RABL6: variants seen among roughly 807,000 people sequenced by gnomAD.
RABL6 encodes RAB, member RAS oncogene family like 6.
RABL6 carries 28 observed loss-of-function variants against 72.9 expected under a neutral mutation model. The observed-to-expected ratio is 0.38, with a 90% CI of 0.28 to 0.53. The LOEUF is 0.53. RABL6 is among the 20% of genes least tolerant of loss of function. The pLI is 0.80. For missense variants in RABL6, 1,029 were observed against 1,008.4 expected (o/e 1.02, Z -0.28); for synonymous variants, 477 against 421.2 (o/e 1.13, Z -1.62).
intron 1 of RABL6, among the ~76,000 whole-genome samples, chr9:136,818,608 G>A (rs1269007109): frequency 1.3e-5 from 2 of 151,972 alleles, no homozygotes; most frequent in Non-Finnish European, 2.9e-5. Context: ...AGCCAGGCAT[G>A]GTGGTGCGTA....
intron 13 of RABL6, 68 bp downstream of exon 13, chr9:136,839,933 T>A: frequency 6.5e-7 from 1 of 1,546,682 alleles, no homozygotes; most frequent in Non-Finnish European, 8.8e-7. Context: ...TCCTCCCAGC[T>A]GCTGGCCGCT....
chr9:136,816,053 G>A (rs931770417), intron 1 of RABL6, among the ~76,000 whole-genome samples: 1 of 150,376 alleles, frequency 6.6e-6, no homozygotes, highest in Non-Finnish European at 1.5e-5. Flanking sequence ...CTGAAGTTAA[G>A]CAGAAAAAAA....
At position 136,834,038 on chromosome 9, in the gene RABL6, G is replaced by C. The variant is rs149637345; in HGVS notation, c.705+1668G>C. The C allele has an allele frequency of 1.7e-4, 242 of 1,461,884 alleles. 2 individuals carry two copies. In the African/African-American group the frequency reaches 3.3e-3, roughly 20 times the overall value. The allele number at this position is 1,461,884 out of a possible 1,614,324, so 90.6% of individuals were successfully genotyped here. A position where few individuals can be genotyped will look rare whatever the true frequency, so the allele number is the denominator to read the frequency against. On this transcript the variant is annotated intron_variant, in intron 7 of 14. Transcript: ENST00000311502. ...GACAGAGTCTTGAGCTGGAAGCGTA[G>C]GGCTGAGCTGTGTGTGACTATCCTT...
In RABL6 at chr9:136,822,195, G is replaced by C. The variant is rs1018610702; in HGVS notation, c.131-1330G>C. On this transcript the variant is annotated intron_variant, in intron 1 of 14. Coordinates refer to ENST00000311502, the MANE Select transcript of RABL6 (RefSeq NM_024718.5). ...TTGGGGTCCCCCTGACAGAAAACCTGGGGGGGGCGTTGCGGGAGTGAGAGG... is the reference window on the plus strand; with the variant it reads ...TTGGGGTCCCCCTGACAGAAAACCTCGGGGGGGCGTTGCGGGAGTGAGAGG... 4.7e-5 allele frequency: 40 copies of C among 851,104 alleles called. 1 individual carries two copies. The Admixed American group carries it at 1.5e-3, about 32-fold the overall frequency. The allele number at this position is 851,104 out of a possible 1,614,324, so 52.7% of individuals were successfully genotyped here. A position where few individuals can be genotyped will look rare whatever the true frequency, so the allele number is the denominator to read the frequency against.
intron 1 of RABL6, chr9:136,815,505 C>T (rs1848101852): frequency 1.2e-5 from 3 of 258,506 alleles, no homozygotes. Flanking sequence ...CTTGGGGTCA[C>T]CTTGGTTTTT....
At chr9:136,825,082 G>A (rs1848323989) in intron 2 of RABL6, among the ~76,000 whole-genome samples, 1 of 152,216 alleles carries the variant, frequency 6.6e-6, no homozygotes, top group African/African-American at 2.4e-5. Context: ...CCACAACAGA[G>A]CACAGTCATG....
chr9:136,820,006 C>A (rs988151302), intron 1 of RABL6, among the ~76,000 whole-genome samples: 1 of 152,044 alleles, frequency 6.6e-6, no homozygotes, highest in Non-Finnish European at 1.5e-5. Flanking sequence ...AGTTTGAGAC[C>A]AGCCCGGGCA....
chr9:136,822,454 C>T (rs1848258397), intron 1 of RABL6, among the ~76,000 whole-genome samples: 1 of 152,152 alleles, frequency 6.6e-6, no homozygotes, highest in Admixed American at 6.5e-5. Flanking sequence ...CGGGGTCTGC[C>T]CAGGTCCGAG....
intron 9 of RABL6, 38 bp downstream of exon 9, chr9:136,837,700 AC>A: frequency 1.3e-6 from 2 of 1,551,378 alleles, no homozygotes; most frequent in South Asian, 2.4e-5. Flanking sequence ...CTGGTCCCAG[AC>A]CCCCAGGCCC....
intron 1 of RABL6, chr9:136,814,639 T>C (rs537370866): frequency 6.6e-6 from 1 of 152,038 alleles, no homozygotes; most frequent in East Asian, 2.0e-4. Flanking sequence ...TAATCCCAGC[T>C]ACTCAGGAGG....
intron 1 of RABL6, among the ~76,000 whole-genome samples, chr9:136,811,646 C>T (rs1848014739): frequency 6.6e-6 from 1 of 151,724 alleles, no homozygotes; most frequent in Admixed American, 6.6e-5. Context: ...AATTGCACCA[C>T]CACACCCAGC....
chr9:136,831,792 A>C lies in RABL6; in HGVS notation c.530A>C (p.Tyr177Ser). 1 of 1,613,170 alleles carries C rather than the reference A, an allele frequency of 6.2e-7. No homozygotes were observed. The highest frequency in any genetic ancestry group is 1.1e-5 in the South Asian group (1 of 91,066). The change falls in exon 6 of 15, where the codon TAC becomes TCC. Residue 177 changes from tyrosine to serine, a missense_variant. By Grantham distance (144) the Tyr-to-Ser change is moderately radical. Around this residue, in one of 2 missense-constraint regions of RABL6, gnomAD observed 434 missense variants for 536.1 expected, o/e 0.81. Coordinates refer to ENST00000311502, the MANE Select transcript of RABL6 (RefSeq NM_024718.5). ...GTGCCAGTGTGCGTGCTGGGAAACT[A>C]CCGGGACATGGGCGAGCACCGAGTC... The part of the protein sequence containing the change: ...THVPVCVLGN[Y>S]RDMGEHRVIL...
rs1279287894 is a variant in RABL6 at position 136,828,312 on chromosome 9, G to GCCTCC, written c.314-182_314-181insCCTCC. 1.1e-5 allele frequency: 7 copies of GCCTCC among 618,836 alleles called. No individual in the cohort carries two copies. In the Admixed American group the frequency reaches 1.6e-4, roughly 14 times the overall value. 38.3% of individuals were successfully genotyped at this position (618,836 alleles called of 1,614,324 possible). A position where few individuals can be genotyped will look rare whatever the true frequency, so the allele number is the denominator to read the frequency against. Reference sequence around the variant, plus strand: ...CAGCCCTGCCTCCAGAGCCTACAGAGGGGCCTCGCCCAGGTCCTGCTGCTC... The same window carrying GCCTCC: ...CAGCCCTGCCTCCAGAGCCTACAGAGCCTCCGGGCCTCGCCCAGGTCCTGCTGCTC... On this transcript the variant is annotated intron_variant, in intron 3 of 14. Transcript: ENST00000311502.
At chr9:136,839,175 A>C (rs781468619) in intron 11 of RABL6, 47 bp from the exon 12 acceptor site, 1 of 1,602,092 alleles carries the variant, frequency 6.2e-7, no homozygotes, top group South Asian at 1.1e-5. Context: ...GGGGCAGTTC[A>C]GGACGCCTCC....
At chr9:136,825,580 T>G (rs185179688) in intron 2 of RABL6, among the ~76,000 whole-genome samples, 199 bp from the exon 3 acceptor site, 4 of 152,196 alleles carry the variant, frequency 2.6e-5, no homozygotes, top group Admixed American at 2.6e-4. Flanking sequence ...AGTTTGTCAC[T>G]GAAGCTGTGT....
chr9:136,835,129 T>C (rs1848561963), intron 7 of RABL6: 3 of 152,082 alleles, frequency 2.0e-5, no homozygotes, highest in African/African-American at 7.2e-5. Flanking sequence ...CCGGGCACGG[T>C]GGCTCCCGAC....
At chr9:136,815,856 G>A (rs1848109118) in intron 1 of RABL6, among the ~76,000 whole-genome samples, 1 of 152,220 alleles carries the variant, frequency 6.6e-6, no homozygotes, top group African/African-American at 2.4e-5. Flanking sequence ...AGAGCTCTGT[G>A]TTTTCTGCAT....
intron 10 of RABL6, 128 bp from the exon 11 acceptor site, chr9:136,838,781 G>A (rs1848630421): frequency 6.2e-6 from 5 of 810,134 alleles, no homozygotes; most frequent in Middle Eastern, 3.7e-4. Context: ...CCACAACACA[G>A]CACCTGGGGT....
chr9:136,835,684 C>T, intron 7 of RABL6, 58 bp from the exon 8 acceptor site: 2 of 1,467,056 alleles, frequency 1.4e-6, no homozygotes, highest in South Asian at 1.3e-5. Flanking sequence ...GGCTGTGGGG[C>T]TGGGGCACTC....
Sources: allele counts gnomAD v4.1 joint callset (sites outside exome capture counted in the v4.1 genomes callset), GRCh38; gene constraint gnomAD v4.1.1; regional missense constraint gnomAD v4.1.1; transcripts MANE v1.5; gene names NCBI Gene and HGNC (gene_info 2026-07-23, HGNC 2026-07-21).